The following C2orf81 variants were observed in gnomAD, a reference collection of about 807,000 sequenced individuals.
C2orf81 encodes chromosome 2 open reading frame 81, also known as uncharacterized protein C2orf81.
C2orf81 carries 5 observed loss-of-function variants against 7.9 expected under a neutral mutation model. The ratio of observed to expected loss-of-function variants is 0.63; its 90% confidence interval spans 0.33 to 1.33. C2orf81 has a LOEUF of 1.33. Ranked by LOEUF, C2orf81 falls within the 40% of genes most tolerant of loss-of-function variation. C2orf81 has a pLI of 0.05. For synonymous variants in C2orf81, 346 were observed against 367.4 expected (o/e 0.94, Z 0.66); for missense variants, 781 against 830.4 (o/e 0.94, Z 0.73).
intron 1 of C2orf81, chr2:74,417,530 T>C (rs1306220677): frequency 1.4e-5 from 16 of 1,147,336 alleles, no homozygotes; most frequent in Non-Finnish European, 1.9e-5. Context: ...TCCAACCTAG[T>C]GCAGGGACTA....
At chr2:74,419,106 G>C (rs538078709) in intron 1 of C2orf81, among the ~76,000 whole-genome samples, 4 of 151,974 alleles carry the variant, frequency 2.6e-5, no homozygotes, top group African/African-American at 4.8e-5. Context: ...ACTTGAACCC[G>C]GGAGGCAGAG....
intron 1 of C2orf81, chr2:74,417,399 G>A: frequency 1.5e-6 from 2 of 1,309,290 alleles, no homozygotes; most frequent in Non-Finnish European, 1.0e-6. Flanking sequence ...ATAGGTGACT[G>A]CATCTCCATC....
chr2:74,418,842 A>C (rs1228197014), intron 1 of C2orf81, among the ~76,000 whole-genome samples: 1 of 152,150 alleles, frequency 6.6e-6, no homozygotes, highest in Non-Finnish European at 1.5e-5. Context: ...TTTGCAACAA[A>C]TATGAAAAAA....
chr2:74,416,493 G>A (rs1281306202), intron 1 of C2orf81: 1 of 312,282 alleles, frequency 3.2e-6, no homozygotes, highest in Non-Finnish European at 6.2e-6. Flanking sequence ...CTTGAACCCG[G>A]GAGATGGAGG....
intron 1 of C2orf81, chr2:74,417,809 G>C: frequency 1.9e-6 from 1 of 525,126 alleles, no homozygotes; most frequent in African/African-American, 1.9e-5. Flanking sequence ...TCACCACCAA[G>C]GGATCAGGGA....
Position 74,414,598 on chromosome 2 carries a change from G to A in C2orf81, c.1579C>T (p.Gln527Ter). 1.3e-6 allele frequency: 2 copies of A among 1,549,592 alleles called. No homozygotes were observed. The highest frequency in any genetic ancestry group is 1.7e-6 in the Non-Finnish European group (2 of 1,145,632). Residue 527 changes from glutamine (Q) to a stop codon, truncating the protein, a stop_gained, in exon 3 of 3, where the codon CAG (glutamine) becomes TAG (stop). Coordinates refer to ENST00000684111, the MANE Select transcript of C2orf81 (RefSeq NM_001316764.3). LOFTEE classifies it low-confidence loss of function (END_TRUNC). This position sits in a 1 kb window ranked among gnomAD's most constrained non-coding sequence, Gnocchi z 5.3. ...LWAGRTRVPP[Q>*]GLELADREGQ... ...TCCCTGTCTGCCAGCTCCAGACCCT[G>A]TGGAGGCACGCGGGTCCGGCCAGCC...
At position 74,415,406 on chromosome 2, in the gene C2orf81, G is replaced by C. The variant is rs1254807750; in HGVS notation, c.771C>G (p.Ser257Arg). 2.0e-6 allele frequency: 3 copies of C among 1,527,636 alleles called. No individual in the cohort carries two copies. Among genetic ancestry groups the C allele is most frequent in the Non-Finnish European group, 2.7e-6 (3 of 1,132,002 alleles). The allele number at this position is 1,527,636 out of a possible 1,614,324, so 94.6% of individuals were successfully genotyped here. Residue 257 changes from serine (S) to arginine (R), a missense_variant, in exon 3 of 3, where the codon AGC (serine) becomes AGG (arginine). Physicochemically the swap from Ser to Arg is moderately radical, Grantham distance 110. Transcript: ENST00000684111. This position sits in a 1 kb window ranked among gnomAD's most constrained non-coding sequence, Gnocchi z 5.5. ...SRGLSSAGSL[S>R]ASFQLSVEEA... ...CCTCCACCGACAGTTGGAAGCTCGC[G>C]CTCAAGGACCCGGCCGAGGAGAGGC... is the stretch of plus-strand genomic sequence containing the variant.
intron 1 of C2orf81, among the ~76,000 whole-genome samples, chr2:74,420,174 T>C (rs1676562978): frequency 6.6e-6 from 1 of 152,232 alleles, no homozygotes; most frequent in Non-Finnish European, 1.5e-5. Flanking sequence ...TAAACCACTA[T>C]GTGTTCAACA....
At position 74,415,729 on chromosome 2, in the gene C2orf81, G is replaced by T. The variant is rs1384247447; in HGVS notation, c.448C>A (p.Leu150Met). The change falls in exon 3 of 3, where the codon CTG (leucine) becomes ATG (methionine). Residue 150 changes from leucine (L) to methionine (M), a missense_variant. By Grantham distance (15) the Leu-to-Met change is conservative. Coordinates refer to ENST00000684111, the MANE Select transcript of C2orf81 (RefSeq NM_001316764.3). This position sits in a 1 kb window ranked among gnomAD's most constrained non-coding sequence, Gnocchi z 5.5. ...TGTACTTCGCCTTGGAAGTTCTCCA[G>T]GCCCTCCGAGGTGGACGCGTGCAGC... ...PVLHASTSEG[L>M]ENFQGEVHSS... 1 of 1,551,608 alleles carries T rather than the reference G, an allele frequency of 6.4e-7. No individual in the cohort carries two copies. The highest frequency in any genetic ancestry group is 2.0e-5 in the Admixed American group (1 of 51,014).
chr2:74,417,095 G>A (rs1558529182), intron 1 of C2orf81, among the ~76,000 whole-genome samples: 1 of 152,218 alleles, frequency 6.6e-6, no homozygotes, highest in Non-Finnish European at 1.5e-5. Context: ...AGGCAATGTG[G>A]ATGAACATTT....
chr2:74,416,152 A>C lies in C2orf81; in HGVS notation c.108T>G (p.Asp36Glu). The change falls in exon 2 of 3, where the codon GAT (aspartate) becomes GAG (glutamate). Residue 36 changes from aspartate (D) to glutamate (E), a missense_variant. Asp to Glu is a conservative substitution (Grantham distance 45). Transcript: ENST00000684111. ...CCTCACTGAGCCGCCCAGGCACAAT[A>C]TCCACCTGCGGCACTGGCACAGTGG... ...RPPTVPVPQV[D>E]IVPGRLSEAE... The C allele has an allele frequency of 6.6e-7, 1 of 1,504,542 alleles. No individual in the cohort carries two copies. Among genetic ancestry groups the C allele is most frequent in the East Asian group, 2.7e-5 (1 of 36,920 alleles). The allele number at this position is 1,504,542 out of a possible 1,614,324, so 93.2% of individuals were successfully genotyped here. A position where few individuals can be genotyped will look rare whatever the true frequency, so the allele number is the denominator to read the frequency against.
intron 1 of C2orf81, chr2:74,417,417 T>C: frequency 7.6e-7 from 1 of 1,309,946 alleles, no homozygotes; most frequent in South Asian, 1.2e-5. Context: ...ATCACTGCAA[T>C]ATGTACTCAG....
intron 1 of C2orf81, chr2:74,418,208 G>A: frequency 1.3e-6 from 2 of 1,510,982 alleles, no homozygotes. Flanking sequence ...TTCCTTCCCA[G>A]AGTTGTGGTG....
rs1461249748 is a variant in C2orf81 at position 74,415,410 on chromosome 2, A to G, written c.767T>C (p.Leu256Ser). The change falls in exon 3 of 3, where the codon TTG (leucine) becomes TCG (serine). Residue 256 changes from leucine (L) to serine (S), a missense_variant. Coordinates refer to ENST00000684111, the MANE Select transcript of C2orf81 (RefSeq NM_001316764.3). This position sits in a 1 kb window ranked among gnomAD's most constrained non-coding sequence, Gnocchi z 5.5. ...QSRGLSSAGSLSASFQLSVEE... is the reference protein window; with the variant it reads ...QSRGLSSAGSSSASFQLSVEE... ...CACCGACAGTTGGAAGCTCGCGCTC[A>G]AGGACCCGGCCGAGGAGAGGCCTCT... is the stretch of plus-strand genomic sequence containing the variant. 2 of 1,529,056 alleles carry G rather than the reference A, an allele frequency of 1.3e-6. No homozygotes were observed. The highest frequency in any genetic ancestry group is 1.8e-6 in the Non-Finnish European group (2 of 1,132,804). 94.7% of individuals were successfully genotyped at this position (1,529,056 alleles called of 1,614,324 possible). A position where few individuals can be genotyped will look rare whatever the true frequency, so the allele number is the denominator to read the frequency against.
At chr2:74,418,014 A>G (rs1676512207) in intron 1 of C2orf81, 2 of 459,614 alleles carry the variant, frequency 4.4e-6, no homozygotes, top group Admixed American at 5.7e-5. Flanking sequence ...CAGGTGGAAG[A>G]TGAGGGTGGT....
Position 74,419,389 on chromosome 2 carries a change from G to A in C2orf81, c.18+2154C>T, listed in dbSNP as rs536902207. On this transcript the variant is annotated intron_variant, in intron 1 of 2. Transcript: ENST00000684111. ...TTTAAGATCCCAAAGATAAGCAAAG[G>A]ACATGACATTTCACAAGAGAGGGAC... 1.1e-4 allele frequency among the ~76,000 whole-genome samples: 17 copies of A among 152,188 alleles called. No individual in the cohort carries two copies. The East Asian group carries it at 2.9e-3, about 26-fold the overall frequency.
In C2orf81 at chr2:74,415,033, G is replaced by T. The variant is rs1397933172; in HGVS notation, c.1144C>A (p.Pro382Thr). ...GCCAGAGGGCGCACCCAGTGGCACGGGAGCCTCGCAGGGTCCAGGCGTTTC... is the reference window on the plus strand; with the variant it reads ...GCCAGAGGGCGCACCCAGTGGCACGTGAGCCTCGCAGGGTCCAGGCGTTTC... The part of the protein sequence containing the change: ...AVKRLDPARL[P>T]CHWVRPLAEV... The change falls in exon 3 of 3, where the codon CCG (proline) becomes ACG (threonine). Residue 382 changes from proline (P) to threonine (T), a missense_variant. Transcript: ENST00000684111. The surrounding 1 kb of genome is among the most constrained non-coding windows in gnomAD (Gnocchi z 5.5). 1 of 1,548,700 alleles carries T rather than the reference G, an allele frequency of 6.5e-7. No individual in the cohort carries two copies. The highest frequency in any genetic ancestry group is 2.0e-5 in the Admixed American group (1 of 50,910).
chr2:74,421,163 T>C (rs1004471688), intron 1 of C2orf81, among the ~76,000 whole-genome samples: 7 of 152,256 alleles, frequency 4.6e-5, no homozygotes, highest in Non-Finnish European at 8.8e-5. Context: ...AATATATTTC[T>C]TCCTCTTGAA....
chr2:74,418,371 C>T, intron 1 of C2orf81: 1 of 1,596,284 alleles, frequency 6.3e-7, no homozygotes, highest in Non-Finnish European at 8.6e-7. Flanking sequence ...TGCCACGGCC[C>T]CGCTTCTCAG....
Sources: allele counts gnomAD v4.1 joint callset (sites outside exome capture counted in the v4.1 genomes callset), GRCh38; gene constraint gnomAD v4.1.1; non-coding constraint Gnocchi (gnomAD v3.1); transcripts MANE v1.5; gene names NCBI Gene and HGNC (gene_info 2026-07-23, HGNC 2026-07-21).